REP15: variants seen among roughly 807,000 people sequenced by gnomAD.
The protein encoded by REP15 is RAB15 effector protein.
REP15 carries 1 observed loss-of-function variant against 1.1 expected under a neutral mutation model. The ratio of observed to expected loss-of-function variants is 0.89; its 90% CI spans 0.32 to 4.24. The LOEUF (loss-of-function observed/expected upper bound fraction) is 4.24, where lower values mean the gene tolerates loss of function less well. Among genes scored for constraint, REP15 ranks in the 30% most tolerant of loss-of-function variants. The probability of loss-of-function intolerance (pLI) is 0.17; values close to 1 mark genes in which losing one functional copy is unlikely to be tolerated. For missense variants in REP15, 246 were observed against 271.9 expected, an observed-to-expected ratio of 0.90 and a Z score of 0.67; for synonymous variants, 100 against 99.7, an observed-to-expected ratio of 1.00 and a Z score of -0.02.
In REP15 at chr12:27,696,601, C is replaced by T. The variant is rs151019412; in HGVS notation, c.39C>T (p.Asp13=). 77 of 1,610,332 alleles carry T rather than the reference C, an allele frequency of 4.8e-5. 1 individual carries two copies. Among genetic ancestry groups the T allele is most frequent in the South Asian group, 3.2e-4 (29 of 90,940 alleles). The part of the protein sequence containing the change: ...QKASQQLALK[D]SKEVPVVCEV... ...CATCGCAACAGTTGGCTCTGAAGGA[C>T]AGCAAAGAGGTGCCCGTCGTCTGTG... Residue 13 remains aspartate, a synonymous_variant, in exon 1 of 1, where the codon GAC becomes GAT. Coordinates refer to ENST00000310791, the MANE Select transcript of REP15 (RefSeq NM_001029874.3).
chr12:27,697,384 T>C lies in REP15; in HGVS notation c.*111T>C, dbSNP rs1549404. On this transcript the variant is annotated 3_prime_UTR_variant, in exon 1 of 1. Transcript: ENST00000310791. ...GCATGGGATTTTTTTTCATTTGTTT[T>C]CCCATTGATTGAAAATGATTACTGG... 1.1e-3 allele frequency: 725 copies of C among 651,194 alleles called. 5 individuals carry two copies. The African/African-American group carries it at 0.011, about 10-fold the overall frequency. The allele number at this position is 651,194 out of a possible 1,614,324, so 40.3% of individuals were successfully genotyped here.
At position 27,697,358 on chromosome 12, in the gene REP15, A is replaced by C. The variant is rs2061740394; in HGVS notation, c.*85A>C. The C allele has an allele frequency of 3.8e-6, 3 of 787,536 alleles. No homozygotes were observed. Among genetic ancestry groups the C allele is most frequent in the African/African-American group, 1.7e-5 (1 of 58,096 alleles). 48.8% of individuals were successfully genotyped at this position (787,536 alleles called of 1,614,324 possible). A position where few individuals can be genotyped will look rare whatever the true frequency, so the allele number is the denominator to read the frequency against. On this transcript the variant is annotated 3_prime_UTR_variant, in exon 1 of 1. Transcript: ENST00000310791. ...CAAGCTCACCTATTTGCATCATTCC[A>C]GCATGGGATTTTTTTTCATTTGTTT...
Position 27,696,909 on chromosome 12 carries a change from C to G in REP15, c.347C>G (p.Ser116Cys), listed in dbSNP as rs2061735330. ...CTCGCAGTACAGACTCTGCAGATGT[C>G]TTCACCTCCTCCTGTGGAATCTAAG... ...LQLAVQTLQM[S>C]SPPPVESKPC... The change falls in exon 1 of 1, where the codon TCT becomes TGT. Residue 116 changes from serine to cysteine, a missense_variant. By Grantham distance (112) the Ser-to-Cys change is moderately radical. Coordinates refer to ENST00000310791, the MANE Select transcript of REP15 (RefSeq NM_001029874.3). 1.2e-6 allele frequency: 2 copies of G among 1,614,064 alleles called. No homozygotes were observed. The highest frequency in any genetic ancestry group is 1.7e-6 in the Non-Finnish European group (2 of 1,179,916).
chr12:27,696,762 G>T lies in REP15; in HGVS notation c.200G>T (p.Cys67Phe), dbSNP rs768758729. 2 of 1,613,936 alleles carry T rather than the reference G, an allele frequency of 1.2e-6. No homozygotes were observed. The highest frequency in any genetic ancestry group is 1.3e-5 in the African/African-American group (1 of 74,908). The stretch of plus-strand genomic sequence containing the variant: ...TTCTTAATCCATTTCATCACTTTCT[G>T]CCAAGAAAAGGGAGTTGATGAGTGG... ...EIFLIHFITFCQEKGVDEWLT... is the reference protein window; with the variant it reads ...EIFLIHFITFFQEKGVDEWLT... The change falls in exon 1 of 1, where the codon TGC becomes TTC. Residue 67 changes from cysteine (C) to phenylalanine (F), a missense_variant. Cys to Phe is a radical substitution (Grantham distance 205). Coordinates refer to ENST00000310791, the MANE Select transcript of REP15 (RefSeq NM_001029874.3).
rs2061742419 is a variant in REP15, at chr12:27,697,527, C to G, written c.*254C>G. 3.2e-6 allele frequency: 1 copy of G among 314,616 alleles called. No homozygotes were observed. The highest frequency in any genetic ancestry group is 2.2e-5 in the African/African-American group (1 of 46,294). 19.5% of individuals were successfully genotyped at this position (314,616 alleles called of 1,614,324 possible). A position where few individuals can be genotyped will look rare whatever the true frequency, so the allele number is the denominator to read the frequency against. On this transcript the variant is annotated 3_prime_UTR_variant, in exon 1 of 1. Transcript: ENST00000310791. ...TTATAATTTAGTTTAATATTTCATT[C>G]ACTTATTCAATAATAAAAATGGAAG...
Position 27,696,579 on chromosome 12 carries a change from CG to C in REP15, c.18del (p.Gln7AsnfsTer5), listed in dbSNP as rs774917438. On this transcript the variant is annotated frameshift_variant, in exon 1 of 1. Coordinates refer to ENST00000310791, the MANE Select transcript of REP15 (RefSeq NM_001029874.3). LOFTEE classifies it low-confidence loss of function (END_TRUNC). MGQKA[S>X]QQLALKDSKE... ...GCAGAGAAAATGGGGCAGAAAGCAT[CG>C]CAACAGTTGGCTCTGAAGGACAGCA... 1.3e-5 allele frequency: 20 copies of C among 1,597,338 alleles called. No individual in the cohort carries two copies.
chr12:27,697,356 C>G lies in REP15; in HGVS notation c.*83C>G. The stretch of plus-strand genomic sequence containing the variant: ...AGCAAGCTCACCTATTTGCATCATT[C>G]CAGCATGGGATTTTTTTTCATTTGT... On this transcript the variant is annotated 3_prime_UTR_variant, in exon 1 of 1. Transcript: ENST00000310791. 1.3e-6 allele frequency: 1 copy of G among 793,714 alleles called. No homozygotes were observed. The highest frequency in any genetic ancestry group is 2.0e-5 in the South Asian group (1 of 50,874). The allele number at this position is 793,714 out of a possible 1,614,324, so 49.2% of individuals were successfully genotyped here.
At position 27,697,449 on chromosome 12, in the gene REP15, G is replaced by GA. The variant is rs952963999; in HGVS notation, c.*183dup. 3.1e-5 allele frequency: 14 copies of GA among 451,710 alleles called. No homozygotes were observed. Among genetic ancestry groups the GA allele is most frequent in the Middle Eastern group, 5.8e-4 (1 of 1,724 alleles). The allele number at this position is 451,710 out of a possible 1,614,324, so 28.0% of individuals were successfully genotyped here. On this transcript the variant is annotated 3_prime_UTR_variant, in exon 1 of 1. Transcript: ENST00000310791. ...CATGTCGCAATTACAGAGAGAGAGA[G>GA]AAAAAAAGAAAACCCTGGCTCTGCC...
chr12:27,696,960 C>T lies in REP15; in HGVS notation c.398C>T (p.Ser133Leu). ...SKPCDLSNPE[S>L]RVEESSWKKS... ...CCTTGTGACCTTTCCAATCCAGAAT[C>T]AAGGGTAGAGGAGTCTTCCTGGAAG... Residue 133 changes from serine to leucine, a missense_variant, in exon 1 of 1, where the codon TCA becomes TTA. By Grantham distance (145) the Ser-to-Leu change is moderately radical (BLOSUM62 -2). Transcript: ENST00000310791. 6.2e-7 allele frequency: 1 copy of T among 1,614,170 alleles called. No individual in the cohort carries two copies. The highest frequency in any genetic ancestry group is 8.5e-7 in the Non-Finnish European group (1 of 1,180,014).
Position 27,696,561 on chromosome 12 carries a change from A to C in REP15, c.-2A>C. The C allele has an allele frequency of 1.3e-6, 2 of 1,589,424 alleles. No homozygotes were observed. Among genetic ancestry groups the C allele is most frequent in the Non-Finnish European group, 1.7e-6 (2 of 1,161,554 alleles). On this transcript the variant is annotated 5_prime_UTR_variant, in exon 1 of 1. Coordinates refer to ENST00000310791, the MANE Select transcript of REP15 (RefSeq NM_001029874.3). ...CATGTTTGATATTTGGATGCAGAGA[A>C]AATGGGGCAGAAAGCATCGCAACAG...
chr12:27,696,739 C>A lies in REP15; in HGVS notation c.177C>A (p.Phe59Leu), dbSNP rs2061732574. 1 of 1,614,092 alleles carries A rather than the reference C, an allele frequency of 6.2e-7. No individual in the cohort carries two copies. The highest frequency in any genetic ancestry group is 8.5e-7 in the Non-Finnish European group (1 of 1,180,040). The change falls in exon 1 of 1, where the codon TTC (phenylalanine) becomes TTA (leucine). Residue 59 changes from phenylalanine to leucine, a missense_variant. By Grantham distance (22) the Phe-to-Leu change is conservative. Transcript: ENST00000310791. ...CTGCAAATACTCTGAATGAGATCTT[C>A]TTAATCCATTTCATCACTTTCTGCC... ...CPAANTLNEI[F>L]LIHFITFCQE...
In REP15 at chr12:27,696,871, A is replaced by C; in HGVS notation, c.309A>C (p.Gln103His). The C allele has an allele frequency of 6.2e-7, 1 of 1,614,086 alleles. No homozygotes were observed. The highest frequency in any genetic ancestry group is 8.5e-7 in the Non-Finnish European group (1 of 1,180,012). Residue 103 changes from glutamine (Q) to histidine (H), a missense_variant, in exon 1 of 1, where the codon CAA becomes CAC. Gln to His is a conservative substitution (Grantham distance 24). Transcript: ENST00000310791. Reference sequence around the variant, plus strand: ...GGACCTTTTGGGGATCCAACAAGCAAATAAAGCTTCAGCTCGCAGTACAGA... The same window carrying C: ...GGACCTTTTGGGGATCCAACAAGCACATAAAGCTTCAGCTCGCAGTACAGA... ...WIWTFWGSNK[Q>H]IKLQLAVQTL...
Position 27,696,944 on chromosome 12 carries a change from C to A in REP15, c.382C>A (p.Leu128Ile). ...TCCTGTGGAATCTAAGCCTTGTGACCTTTCCAATCCAGAATCAAGGGTAGA... is the reference window on the plus strand; with the variant it reads ...TCCTGTGGAATCTAAGCCTTGTGACATTTCCAATCCAGAATCAAGGGTAGA... ...PPPVESKPCD[L>I]SNPESRVEES... The change falls in exon 1 of 1, where the codon CTT becomes ATT. Residue 128 changes from leucine (L) to isoleucine (I), a missense_variant. By Grantham distance (5) the Leu-to-Ile change is conservative. Coordinates refer to ENST00000310791, the MANE Select transcript of REP15 (RefSeq NM_001029874.3). 1 of 1,614,160 alleles carries A rather than the reference C, an allele frequency of 6.2e-7. No individual in the cohort carries two copies.
Position 27,697,580 on chromosome 12 carries a change from T to G in REP15, c.*307T>G, listed in dbSNP as rs996414766. 15 of 230,346 alleles carry G rather than the reference T, an allele frequency of 6.5e-5. No homozygotes were observed. The highest frequency in any genetic ancestry group is 3.5e-4 in the African/African-American group (15 of 43,108). 14.3% of individuals were successfully genotyped at this position (230,346 alleles called of 1,614,324 possible). A position where few individuals can be genotyped will look rare whatever the true frequency, so the allele number is the denominator to read the frequency against. On this transcript the variant is annotated 3_prime_UTR_variant, in exon 1 of 1. Transcript: ENST00000310791. ...AGATAATAAAGTCACATTTAAAGTT[T>G]GATTTGCAAAAAAAAAGTGTCTGTT...
Position 27,696,631 on chromosome 12 carries a change from G to GAAGCTATA in REP15, c.69_70insAAGCTATA (p.Val24LysfsTer3), listed in dbSNP as rs761697251. ...AAGAGGTGCCCGTCGTCTGTGAGGT[G>GAAGCTATA]GTCAGTGAAGCTATAGTCCATGCAG... On this transcript the variant is annotated frameshift_variant, in exon 1 of 1. Transcript: ENST00000310791. LOFTEE classifies it low-confidence loss of function (END_TRUNC). 111 of 1,614,026 alleles carry GAAGCTATA rather than the reference G, an allele frequency of 6.9e-5. 1 individual carries two copies. In the South Asian group the frequency reaches 1.2e-3, roughly 18 times the overall value.
rs768793716 is a variant in REP15 at position 27,697,430 on chromosome 12, G to A, written c.*157G>A. 21 of 516,594 alleles carry A rather than the reference G, an allele frequency of 4.1e-5. No homozygotes were observed. Among genetic ancestry groups the A allele is most frequent in the Non-Finnish European group, 5.9e-5 (17 of 286,836 alleles). The allele number at this position is 516,594 out of a possible 1,614,324, so 32.0% of individuals were successfully genotyped here. ...ACTGGGATCAAAGTACATTCATGTC[G>A]CAATTACAGAGAGAGAGAGAAAAAA... On this transcript the variant is annotated 3_prime_UTR_variant, in exon 1 of 1. Coordinates refer to ENST00000310791, the MANE Select transcript of REP15 (RefSeq NM_001029874.3).
chr12:27,697,552 GA>G lies in REP15; in HGVS notation c.*280del, dbSNP rs1198120176. 4 of 269,970 alleles carry G rather than the reference GA, an allele frequency of 1.5e-5. No individual in the cohort carries two copies. The highest frequency in any genetic ancestry group is 2.2e-5 in the Non-Finnish European group (3 of 134,442). The allele number at this position is 269,970 out of a possible 1,614,324, so 16.7% of individuals were successfully genotyped here. On this transcript the variant is annotated 3_prime_UTR_variant, in exon 1 of 1. Coordinates refer to ENST00000310791, the MANE Select transcript of REP15 (RefSeq NM_001029874.3). ...CACTTATTCAATAATAAAAATGGAAGAGAGATAATAAAGTCACATTTAAAGT... is the reference window on the plus strand; with the variant it reads ...CACTTATTCAATAATAAAAATGGAAGGAGATAATAAAGTCACATTTAAAGT...
Position 27,696,841 on chromosome 12 carries a change from G to C in REP15, c.279G>C (p.Trp93Cys). 6.2e-7 allele frequency: 1 copy of C among 1,614,074 alleles called. No individual in the cohort carries two copies. The highest frequency in any genetic ancestry group is 2.2e-5 in the East Asian group (1 of 44,870). Reference protein sequence around the residue: ...KHQAFLFGADWIWTFWGSNKQ... With the variant: ...KHQAFLFGADCIWTFWGSNKQ... ...AAGCCTTCCTGTTTGGTGCAGACTG[G>C]ATTTGGACCTTTTGGGGATCCAACA... The change falls in exon 1 of 1, where the codon TGG becomes TGC. Residue 93 changes from tryptophan to cysteine, a missense_variant. Physicochemically the swap from Trp to Cys is radical, Grantham distance 215. Transcript: ENST00000310791.
chr12:27,696,643 T>A lies in REP15; in HGVS notation c.81T>A (p.Ala27=), dbSNP rs1391175833. ...VPVVCEVVSE[A]IVHAAQKLKE... ...TCGTCTGTGAGGTGGTCAGTGAAGC[T>A]ATAGTCCATGCAGCTCAGAAACTGA... The change falls in exon 1 of 1, where the codon GCT becomes GCA. Residue 27 remains alanine (A), a synonymous_variant. Transcript: ENST00000310791. The A allele has an allele frequency of 1.1e-5, 18 of 1,614,088 alleles. No homozygotes were observed. Among genetic ancestry groups the A allele is most frequent in the Non-Finnish European group, 1.5e-5 (18 of 1,180,032 alleles).
Sources: gnomAD v4.1 joint callset for allele counts on GRCh38, gnomAD v4.1.1 for gene constraint, MANE v1.5 for transcripts, NCBI Gene and HGNC (gene_info 2026-07-23, HGNC 2026-07-21) for gene names.